Variants in FBLN2 observed in about 807,000 individuals in gnomAD.
FBLN2 encodes the protein fibulin-2.
Under a neutral mutation model 123.7 loss-of-function variants are expected in FBLN2, and 81 were observed. The observed-to-expected ratio is 0.65, with a 90% CI of 0.55 to 0.79. The LOEUF (loss-of-function observed/expected upper bound fraction) is 0.79, where lower values mean the gene tolerates loss of function less well. Among genes scored for constraint, FBLN2 ranks in the 30% least tolerant of loss-of-function variants. The probability of loss-of-function intolerance (pLI) is 0.00; values close to 1 mark genes in which losing one functional copy is unlikely to be tolerated. For synonymous variants in FBLN2, 699 were observed against 701.4 expected, an observed-to-expected ratio of 1.00 and a Z score of 0.05; for missense variants, 1,603 against 1,681.3, an observed-to-expected ratio of 0.95 and a Z score of 0.81.
intron 4 of FBLN2, among the ~76,000 whole-genome samples, chr3:13,611,820 T>C (rs1292201824): frequency 6.6e-6 from 1 of 152,236 alleles, no homozygotes; most frequent in Non-Finnish European, 1.5e-5. Context: ...CTTCATCTCC[T>C]GGCTACATCT....
rs3796318 is a variant in FBLN2, at chr3:13,571,515, A to G, written c.1160A>G (p.Asn387Ser). ...PRDPVKPSPH[N>S]ILSTSLPDAA... ...GACCCAGTCAAGCCCAGCCCCCACA[A>G]CATCCTGTCCACATCACTGCCTGAT... The change falls in exon 2 of 18, where the codon AAC becomes AGC. Residue 387 changes from asparagine to serine, a missense_variant. Asn to Ser is a conservative substitution (Grantham distance 46). Coordinates refer to ENST00000404922, the MANE Select transcript of FBLN2 (RefSeq NM_001004019.2). 15 of 1,613,464 alleles carry G rather than the reference A, an allele frequency of 9.3e-6. No individual in the cohort carries two copies. Among genetic ancestry groups the G allele is most frequent in the Non-Finnish European group, 1.2e-5 (14 of 1,179,842 alleles).
At chr3:13,607,606 G>C (rs1256535337) in intron 2 of FBLN2, among the ~76,000 whole-genome samples, 1 of 152,182 alleles carries the variant, frequency 6.6e-6, no homozygotes, top group African/African-American at 2.4e-5. Flanking sequence ...CTCTTGCCCT[G>C]TCTTAGCATC....
At chr3:13,598,101 G>T (rs1342155168) in intron 2 of FBLN2, among the ~76,000 whole-genome samples, 1 of 152,236 alleles carries the variant, frequency 6.6e-6, no homozygotes, top group Non-Finnish European at 1.5e-5. Flanking sequence ...GGCAGGGTAG[G>T]CGTGGCTGAA....
chr3:13,559,281 G>GT (rs1462632052), intron 1 of FBLN2, among the ~76,000 whole-genome samples: 1 of 151,998 alleles, frequency 6.6e-6, no homozygotes, highest in Non-Finnish European at 1.5e-5. Flanking sequence ...GTGAAGTTCA[G>GT]TTTTTCAGTT....
intron 2 of FBLN2, among the ~76,000 whole-genome samples, chr3:13,580,784 A>G (rs556318811): frequency 6.6e-6 from 1 of 152,362 alleles, no homozygotes; most frequent in South Asian, 2.1e-4. Flanking sequence ...CCATTGTCAC[A>G]GGAATGCAAG....
At chr3:13,583,401 G>A (rs1042686703) in intron 2 of FBLN2, among the ~76,000 whole-genome samples, 2 of 152,260 alleles carry the variant, frequency 1.3e-5, no homozygotes, top group African/African-American at 4.8e-5. Flanking sequence ...TGAAGTAGAC[G>A]TTTGCCAACC....
At chr3:13,628,359 C>T (rs1706124121) in intron 11 of FBLN2, among the ~76,000 whole-genome samples, 1 of 152,164 alleles carries the variant, frequency 6.6e-6, no homozygotes, top group Non-Finnish European at 1.5e-5. Context: ...AGTGTCCCCA[C>T]ACAGTACTGC....
intron 2 of FBLN2, among the ~76,000 whole-genome samples, chr3:13,576,826 A>G (rs1574955220): frequency 3.3e-5 from 5 of 151,886 alleles, no homozygotes; most frequent in Admixed American, 3.3e-4. Context: ...TATGAGAGGT[A>G]TGGTCCCCAC....
At chr3:13,609,692 G>GGGGGGGGGGGGGGGGGGGGT in intron 4 of FBLN2, 50 bp downstream of exon 4, 3 of 508,394 alleles carry the variant, frequency 5.9e-6, no homozygotes, top group East Asian at 6.4e-5. Flanking sequence ...GGCGGGGCGG[G>GGGGGGGGGGGGGGGGGGGGT]AGGCTGGCCT....
At chr3:13,565,994 G>T (rs1029976331) in intron 1 of FBLN2, among the ~76,000 whole-genome samples, 3 of 152,228 alleles carry the variant, frequency 2.0e-5, no homozygotes, top group Admixed American at 2.0e-4. Context: ...GGGAGAGGCT[G>T]CAGTGGTTTT....
At chr3:13,623,355 C>CAGCT (rs1259751694) in intron 9 of FBLN2, among the ~76,000 whole-genome samples, 1 of 152,208 alleles carries the variant, frequency 6.6e-6, no homozygotes, top group Non-Finnish European at 1.5e-5. Context: ...GATCCCCAGG[C>CAGCT]AGCTGCAAAG....
chr3:13,618,037 C>A, intron 5 of FBLN2, 39 bp from the exon 6 acceptor site: 1 of 1,597,732 alleles, frequency 6.3e-7, no homozygotes, highest in Non-Finnish European at 8.6e-7. Context: ...CCTACTCTGA[C>A]CAAGCTGGCT....
In FBLN2 at chr3:13,622,675, C is replaced by T. The variant is rs151280313; in HGVS notation, c.2296+760C>T. On this transcript the variant is annotated intron_variant, in intron 9 of 17. Transcript: ENST00000404922. ...CAGTGATGCCTCTTCCTTCTCCTCTCTTAGGCCCCATGTGGGCCAGGCGCC... is the reference window on the plus strand; with the variant it reads ...CAGTGATGCCTCTTCCTTCTCCTCTTTTAGGCCCCATGTGGGCCAGGCGCC... 5.5e-3 allele frequency among the ~76,000 whole-genome samples: 833 copies of T among 152,366 alleles called. 6 individuals carry two copies. Among genetic ancestry groups the T allele is most frequent in the African/African-American group, 0.019 (784 of 41,588 alleles).
At chr3:13,557,745 A>G (rs1193908940) in intron 1 of FBLN2, among the ~76,000 whole-genome samples, 1 of 152,196 alleles carries the variant, frequency 6.6e-6, no homozygotes, top group East Asian at 1.9e-4. Flanking sequence ...ACGTAGCCTG[A>G]AGTGTGAAGG....
chr3:13,552,079 T>G (rs868103001), intron 1 of FBLN2, among the ~76,000 whole-genome samples: 2 of 152,144 alleles, frequency 1.3e-5, no homozygotes, highest in African/African-American at 4.8e-5. Flanking sequence ...CCTCAAGTGA[T>G]CCTCACTCAC....
chr3:13,592,089 C>G (rs1704695768), intron 2 of FBLN2, among the ~76,000 whole-genome samples: 1 of 148,096 alleles, frequency 6.8e-6, no homozygotes, highest in Non-Finnish European at 1.5e-5. Context: ...GTGGTGCAAT[C>G]TCAGCTCACT....
chr3:13,592,410 A>G (rs114179599), intron 2 of FBLN2, among the ~76,000 whole-genome samples: 1 of 152,238 alleles, frequency 6.6e-6, no homozygotes, highest in Non-Finnish European at 1.5e-5. Flanking sequence ...CCTTGTAGTA[A>G]TTTTTAATAT....
At chr3:13,560,840 G>A (rs1042363592) in intron 1 of FBLN2, among the ~76,000 whole-genome samples, 9 of 151,864 alleles carry the variant, frequency 5.9e-5, no homozygotes, top group African/African-American at 1.9e-4. Flanking sequence ...TAGATACGGG[G>A]TTTTGCTCTG....
chr3:13,617,320 A>G lies in FBLN2; in HGVS notation c.1730-756A>G, dbSNP rs368191693. ...CATCCATCCATTCAGCCCCACACCC[A>G]TTCATCCATCCATTCACGTATCCAT... is the stretch of plus-strand genomic sequence containing the variant. On this transcript the variant is annotated intron_variant, in intron 5 of 17. Coordinates refer to ENST00000404922, the MANE Select transcript of FBLN2 (RefSeq NM_001004019.2). 1.1e-3 allele frequency among the ~76,000 whole-genome samples: 160 copies of G among 151,382 alleles called. 2 individuals carry two copies. In the South Asian group the frequency reaches 0.032, roughly 30 times the overall value.
Sources: gnomAD v4.1 joint callset for allele counts (sites outside exome capture counted in the v4.1 genomes callset) on GRCh38, gnomAD v4.1.1 for gene constraint, MANE v1.5 for transcripts, NCBI Gene and HGNC (gene_info 2026-07-23, HGNC 2026-07-21) for gene names.